The following IRAK2 variants were observed in gnomAD, a reference collection of about 807,000 sequenced individuals.
IRAK2 encodes the protein interleukin-1 receptor-associated kinase-like 2.
In IRAK2, 57 loss-of-function variants were observed where a neutral mutation model predicts 72.0. The ratio of observed to expected loss-of-function variants is 0.79; its 90% CI spans 0.64 to 0.99. IRAK2 has a LOEUF of 0.99. Among genes scored for constraint, IRAK2 ranks in the 50% least tolerant of loss-of-function variants. IRAK2 has a pLI of 0.00. For missense variants in IRAK2, 790 were observed against 794.4 expected (o/e 0.99, Z 0.07); for synonymous variants, 293 against 312.7 (o/e 0.94, Z 0.67).
intron 2 of IRAK2, among the ~76,000 whole-genome samples, chr3:10,187,307 C>A (rs1472192981): frequency 6.6e-6 from 1 of 152,170 alleles, no homozygotes. Context: ...CATCTTCTGG[C>A]AAAGACTAGT....
chr3:10,182,987 T>C (rs1696984971), intron 2 of IRAK2, among the ~76,000 whole-genome samples: 1 of 151,788 alleles, frequency 6.6e-6, no homozygotes, highest in Non-Finnish European at 1.5e-5. Context: ...GGCCAGGCTA[T>C]TCTTGAACTC....
intron 12 of IRAK2, 53 bp from the exon 13 acceptor site, chr3:10,242,063 A>C: frequency 2.0e-6 from 2 of 1,007,940 alleles, no homozygotes; most frequent in Admixed American, 3.8e-5. Context: ...AAGAATTATA[A>C]TAATAGTAAC....
intron 4 of IRAK2, 131 bp from the exon 5 acceptor site, chr3:10,213,076 T>A (rs1697548178): frequency 2.6e-6 from 2 of 771,494 alleles, no homozygotes; most frequent in South Asian, 3.6e-5. Flanking sequence ...CCTATCCATG[T>A]CCTTTTTACA....
intron 9 of IRAK2, among the ~76,000 whole-genome samples, chr3:10,225,399 T>A (rs1038993456): frequency 3.9e-5 from 6 of 152,188 alleles, no homozygotes; most frequent in Non-Finnish European, 8.8e-5. Context: ...GGCCTGACTG[T>A]AGAGCCCTTA....
chr3:10,184,728 T>G (rs1478238589), intron 2 of IRAK2, among the ~76,000 whole-genome samples: 14 of 54,920 alleles, frequency 2.5e-4, no homozygotes, highest in Non-Finnish European at 5.0e-4. Flanking sequence ...TGTGTGTTTT[T>G]TTTTTTTTTT....
chr3:10,184,602 A>G lies in IRAK2; in HGVS notation c.277+6582A>G, dbSNP rs545228902. ...GGTGGAATTTGAACAGGAAGCCACAATAAAAAACTCCTACTTGAGATGAGA... is the reference window on the plus strand; with the variant it reads ...GGTGGAATTTGAACAGGAAGCCACAGTAAAAAACTCCTACTTGAGATGAGA... On this transcript the variant is annotated intron_variant, in intron 2 of 12. Transcript: ENST00000256458. Among the ~76,000 whole-genome samples, 35 of 150,012 alleles carry G rather than the reference A, an allele frequency of 2.3e-4. 2 individuals carry two copies. The highest frequency in any genetic ancestry group is 8.6e-4 in the African/African-American group (34 of 39,446).
In IRAK2 at chr3:10,243,448, G is replaced by T. The variant is rs530879913; in HGVS notation, c.*1220G>T. ...TAATTTTTGGGACCTCAGTTTCTTT[G>T]TAAGTAAAATAACACCTGCTTGTTC... On this transcript the variant is annotated 3_prime_UTR_variant, in exon 13 of 13. Transcript: ENST00000256458. 3 of 152,734 alleles carry T rather than the reference G, an allele frequency of 2.0e-5. No homozygotes were observed. Among genetic ancestry groups the T allele is most frequent in the Admixed American group, 2.0e-4 (3 of 15,292 alleles). 9.5% of individuals were successfully genotyped at this position (152,734 alleles called of 1,614,324 possible). A position where few individuals can be genotyped will look rare whatever the true frequency, so the allele number is the denominator to read the frequency against.
chr3:10,176,159 G>T (rs1696873045), intron 1 of IRAK2, among the ~76,000 whole-genome samples: 1 of 149,886 alleles, frequency 6.7e-6, no homozygotes, highest in Non-Finnish European at 1.5e-5. Flanking sequence ...GTTACTAGTG[G>T]TAGCTCCCTG....
chr3:10,167,515 T>A (rs181860579), intron 1 of IRAK2, among the ~76,000 whole-genome samples: 1 of 151,886 alleles, frequency 6.6e-6, no homozygotes, highest in African/African-American at 2.4e-5. Context: ...CCTGGGTTCA[T>A]GCCATTCTCC....
chr3:10,199,217 G>T (rs966734371), intron 2 of IRAK2, among the ~76,000 whole-genome samples: 4 of 152,146 alleles, frequency 2.6e-5, no homozygotes, highest in African/African-American at 9.7e-5. Flanking sequence ...TCACAGAGCA[G>T]CTCTGAGAAG....
intron 2 of IRAK2, among the ~76,000 whole-genome samples, chr3:10,189,537 G>A (rs915436878): frequency 6.6e-6 from 1 of 152,200 alleles, no homozygotes; most frequent in African/African-American, 2.4e-5. Flanking sequence ...AAGGGATTTG[G>A]GAAGTGACCA....
intron 2 of IRAK2, among the ~76,000 whole-genome samples, chr3:10,191,405 T>C (rs888039138): frequency 1.3e-5 from 2 of 152,144 alleles, no homozygotes; most frequent in African/African-American, 4.8e-5. Context: ...CTCTCTCAGC[T>C]ACAGGTTACC....
At chr3:10,167,973 T>C (rs558186792) in intron 1 of IRAK2, among the ~76,000 whole-genome samples, 1 of 152,268 alleles carries the variant, frequency 6.6e-6, no homozygotes, top group Admixed American at 6.5e-5. Flanking sequence ...AACTTTTGTA[T>C]TTTTTGTAGA....
At chr3:10,227,654 G>T (rs937182043) in intron 10 of IRAK2, among the ~76,000 whole-genome samples, 1 of 150,650 alleles carries the variant, frequency 6.6e-6, no homozygotes, top group African/African-American at 2.4e-5. Flanking sequence ...TCCCTGAGCC[G>T]ACATCATGAG....
intron 2 of IRAK2, among the ~76,000 whole-genome samples, chr3:10,182,420 C>G (rs1269195945): frequency 6.6e-6 from 1 of 151,472 alleles, no homozygotes; most frequent in Non-Finnish European, 1.5e-5. Context: ...GTAGGTGGGA[C>G]TACAGGTGCC....
rs1227035262 is a variant in IRAK2, at chr3:10,234,537, G to T, written c.1351G>T (p.Ala451Ser). The T allele has an allele frequency of 6.2e-7, 1 of 1,614,148 alleles. No homozygotes were observed. Among genetic ancestry groups the T allele is most frequent in the East Asian group, 2.2e-5 (1 of 44,874 alleles). The change falls in exon 11 of 13, where the codon GCA becomes TCA. Residue 451 changes from alanine to serine, a missense_variant. Coordinates refer to ENST00000256458, the MANE Select transcript of IRAK2 (RefSeq NM_001570.4). Reference protein sequence around the residue: ...SRKTGVENVMAKEICQKYLEK... With the variant: ...SRKTGVENVMSKEICQKYLEK... ...GAAGACGGGCGTGGAGAACGTGATG[G>T]CAAAGGAGATCTGCCAGAAGTACCT...
At chr3:10,224,452 C>T (rs1244927527) in intron 9 of IRAK2, among the ~76,000 whole-genome samples, 2 of 151,606 alleles carry the variant, frequency 1.3e-5, no homozygotes, top group African/African-American at 4.9e-5. Context: ...CTCAGTTAAG[C>T]CTTCTGTAAG....
chr3:10,209,602 C>A lies in IRAK2; in HGVS notation c.438C>A (p.Ala146=). The A allele has an allele frequency of 6.4e-7, 1 of 1,562,486 alleles. No individual in the cohort carries two copies. The part of the protein sequence containing the change: ...ATFPGPGSSP[A]RAHQPAFLQP... ...CCTCCTTTCCAGGGTCCTCTCCAGC[C>A]AGAGCCCACCAGCCGGCCTTTCTCC... The change falls in exon 4 of 13, where the codon GCC becomes GCA. Residue 146 remains alanine (A), a synonymous_variant. Coordinates refer to ENST00000256458, the MANE Select transcript of IRAK2 (RefSeq NM_001570.4).
intron 2 of IRAK2, among the ~76,000 whole-genome samples, chr3:10,184,791 G>A (rs373414617): frequency 5.5e-5 from 8 of 145,948 alleles, no homozygotes; most frequent in African/African-American, 1.0e-4. Flanking sequence ...GTGCAGTGGC[G>A]CGATCTCGGC....
Sources: gnomAD v4.1 joint callset for allele counts (sites outside exome capture counted in the v4.1 genomes callset) on GRCh38, gnomAD v4.1.1 for gene constraint, MANE v1.5 for transcripts, NCBI Gene and HGNC (gene_info 2026-07-23, HGNC 2026-07-21) for gene names.